Variants in CRAMP1 observed in about 807,000 individuals in gnomAD.
The protein encoded by CRAMP1 is cramped chromatin regulator 1.
In CRAMP1, 50 loss-of-function variants were observed where a neutral mutation model predicts 115.4. The observed-to-expected ratio is 0.43, with a 90% CI of 0.35 to 0.55. The LOEUF (loss-of-function observed/expected upper bound fraction) is 0.55. Among genes scored for constraint, CRAMP1 ranks in the 20% least tolerant of loss-of-function variants. CRAMP1 has a pLI of 0.01. For synonymous variants in CRAMP1, 866 were observed against 745.4 expected, an observed-to-expected ratio of 1.16 and a Z score of -2.64; for missense variants, 1,679 against 1,721.7, an observed-to-expected ratio of 0.98 and a Z score of 0.44.
chr16:1,654,772 A>G (rs985748572), intron 8 of CRAMP1, among the ~76,000 whole-genome samples: 1 of 152,356 alleles, frequency 6.6e-6, no homozygotes, highest in Non-Finnish European at 1.5e-5. Flanking sequence ...CGGGCCTGGC[A>G]TCTTTCACTG....
intron 3 of CRAMP1, among the ~76,000 whole-genome samples, chr16:1,631,500 G>T (rs925245672): frequency 2.6e-5 from 4 of 152,238 alleles, no homozygotes; most frequent in Admixed American, 6.5e-5. Flanking sequence ...TAGAAACCAA[G>T]ACCTGGGCGC....
At chr16:1,615,534 G>A (rs1179948504) in intron 2 of CRAMP1, among the ~76,000 whole-genome samples, 1 of 152,206 alleles carries the variant, frequency 6.6e-6, no homozygotes, top group Admixed American at 6.5e-5. Flanking sequence ...AGTTGCAACT[G>A]GGGTTTACTT....
chr16:1,614,962 G>A lies in CRAMP1; in HGVS notation c.323G>A (p.Gly108Asp). 1 of 1,258,452 alleles carries A rather than the reference G, an allele frequency of 7.9e-7. No individual in the cohort carries two copies. The highest frequency in any genetic ancestry group is 3.1e-5 in the East Asian group (1 of 32,086). The allele number at this position is 1,258,452 out of a possible 1,614,324, so 78.0% of individuals were successfully genotyped here. ...PPSAVGSGNA[G>D]GSGPRGKGAE... is the part of the protein sequence containing the mutation. The stretch of plus-strand genomic sequence containing the variant: ...AGCGCTGTGGGGAGCGGCAACGCCG[G>A]TGGCTCGGGGCCCCGCGGAAAAGGT... The change falls in exon 2 of 21, where the codon GGT becomes GAT. Residue 108 changes from glycine (G) to aspartate (D), a missense_variant. Gly to Asp is a moderately conservative substitution (Grantham distance 94). Around this residue, in one of 8 missense-constraint regions of CRAMP1, gnomAD observed 264 missense variants for 229.7 expected, o/e 1.15. Coordinates refer to ENST00000397412, the MANE Select transcript of CRAMP1 (RefSeq NM_020825.4). The surrounding 1 kb of genome is among the most constrained non-coding windows in gnomAD (Gnocchi z 4.4).
At chr16:1,638,525 A>G (rs2036606740) in intron 5 of CRAMP1, among the ~76,000 whole-genome samples, 1 of 152,118 alleles carries the variant, frequency 6.6e-6, no homozygotes, top group Admixed American at 6.5e-5. Flanking sequence ...TCGGGACCAG[A>G]TTCCCTTGAG....
chr16:1,641,411 C>T (rs2036631041), intron 6 of CRAMP1, among the ~76,000 whole-genome samples: 1 of 152,222 alleles, frequency 6.6e-6, no homozygotes, highest in Admixed American at 6.5e-5. Context: ...CGTCTTTGGC[C>T]TCCTCCTTCC....
intron 10 of CRAMP1, among the ~76,000 whole-genome samples, chr16:1,658,859 G>T (rs2142201000): frequency 6.6e-6 from 1 of 152,308 alleles, no homozygotes; most frequent in South Asian, 2.1e-4. Context: ...AGTCCATAGG[G>T]AGGTTGCCCC....
intron 3 of CRAMP1, among the ~76,000 whole-genome samples, chr16:1,629,062 G>A (rs922315961): frequency 2.6e-5 from 4 of 152,194 alleles, no homozygotes; most frequent in Admixed American, 2.6e-4. Flanking sequence ...GGTCTGCACA[G>A]ACCCAGCCCT....
intron 8 of CRAMP1, 59 bp downstream of exon 8, chr16:1,653,215 CGT>C: frequency 1.3e-6 from 2 of 1,563,592 alleles, no homozygotes; most frequent in Non-Finnish European, 1.7e-6. Context: ...CTGGAAGCAA[CGT>C]GTGTGAGTTT....
At position 1,668,103 on chromosome 16, in the gene CRAMP1, G is replaced by A; in HGVS notation, c.3244G>A (p.Gly1082Ser). 1.9e-6 allele frequency: 3 copies of A among 1,613,518 alleles called. No individual in the cohort carries two copies. The highest frequency in any genetic ancestry group is 1.1e-5 in the South Asian group (1 of 91,074). ...TGCTCTGCTCGACATCTCCCTGCCC[G>A]GCCCACCTGAGGATGCGCTGTCACA... ...VSALLDISLP[G>S]PPEDALSQGE... is the part of the protein sequence containing the mutation. The change falls in exon 18 of 21, where the codon GGC (glycine) becomes AGC (serine). Residue 1082 changes from glycine to serine, a missense_variant. Around this residue, in one of 8 missense-constraint regions of CRAMP1, gnomAD observed 709 missense variants for 741.9 expected, o/e 0.96. Coordinates refer to ENST00000397412, the MANE Select transcript of CRAMP1 (RefSeq NM_020825.4).
chr16:1,646,999 G>A (rs1345831623), intron 6 of CRAMP1: 1 of 702,468 alleles, frequency 1.4e-6, no homozygotes, highest in Non-Finnish European at 2.6e-6. Flanking sequence ...CAACTTTTGT[G>A]ACCGTTCTTT....
Position 1,659,398 on chromosome 16 carries a change from C to CT in CRAMP1, c.2236-478dup, listed in dbSNP as rs552037975. Among the ~76,000 whole-genome samples the CT allele has an allele frequency of 7.1e-3, 1,046 of 148,328 alleles. 2 individuals are homozygous for CT. Among genetic ancestry groups the CT allele is most frequent in the Non-Finnish European group, 0.012 (816 of 66,766 alleles). ...GATTGATTGATTGATTGATTTTTTT[C>CT]TTTTTTTTTTGAGACGGAATCTTGC... is the stretch of plus-strand genomic sequence containing the variant. On this transcript the variant is annotated intron_variant, in intron 10 of 20. Transcript: ENST00000397412.
At position 1,666,203 on chromosome 16, in the gene CRAMP1, G is replaced by C; in HGVS notation, c.2857+26G>C. On this transcript the variant is annotated intron_variant, in intron 15 of 20. Transcript: ENST00000397412. This position sits in a 1 kb window ranked among gnomAD's most constrained non-coding sequence, Gnocchi z 5.0. Reference sequence around the variant, plus strand: ...GTAAGTCTGTACCTGCATGGCCACAGCCACTGAGTGAGCCTCTGAGGGATG... The same window carrying C: ...GTAAGTCTGTACCTGCATGGCCACACCCACTGAGTGAGCCTCTGAGGGATG... 1 of 1,485,522 alleles carries C rather than the reference G, an allele frequency of 6.7e-7. No homozygotes were observed. Among genetic ancestry groups the C allele is most frequent in the Non-Finnish European group, 9.3e-7 (1 of 1,073,476 alleles). 92.0% of individuals were successfully genotyped at this position (1,485,522 alleles called of 1,614,324 possible).
chr16:1,641,326 A>C (rs2036630242), intron 6 of CRAMP1, 139 bp downstream of exon 6: 1 of 675,292 alleles, frequency 1.5e-6, no homozygotes, highest in Non-Finnish European at 2.6e-6. Flanking sequence ...GTTCAGTCCC[A>C]ACAAAAGGTG....
At chr16:1,616,240 A>G (rs900152417) in intron 2 of CRAMP1, among the ~76,000 whole-genome samples, 2 of 152,218 alleles carry the variant, frequency 1.3e-5, no homozygotes, top group African/African-American at 4.8e-5. Flanking sequence ...TGCTAGTTAC[A>G]GGTATGTCTA....
Position 1,660,234 on chromosome 16 carries a change from G to A in CRAMP1, c.2413+171G>A, listed in dbSNP as rs138079195. Among the ~76,000 whole-genome samples, 226 of 152,332 alleles carry A rather than the reference G, an allele frequency of 1.5e-3. 1 individual carries two copies. The highest frequency in any genetic ancestry group is 5.0e-3 in the African/African-American group (207 of 41,582). ...AGGTGCAGAATCACTGCCTCCTCATGGGGAGGGTGATGCCAGGGCTTGTCG... is the reference window on the plus strand; with the variant it reads ...AGGTGCAGAATCACTGCCTCCTCATAGGGAGGGTGATGCCAGGGCTTGTCG... On this transcript the variant is annotated intron_variant, in intron 11 of 20. Transcript: ENST00000397412.
At chr16:1,632,905 G>A (rs186259175) in intron 4 of CRAMP1, among the ~76,000 whole-genome samples, 99 of 152,334 alleles carry the variant, frequency 6.5e-4, no homozygotes, top group Admixed American at 2.4e-3. Context: ...TGGCTTCTCC[G>A]GATGATGCTT....
intron 8 of CRAMP1, among the ~76,000 whole-genome samples, chr16:1,653,653 C>T (rs1472429348): frequency 4.0e-5 from 6 of 150,400 alleles, no homozygotes; most frequent in African/African-American, 1.5e-4. Context: ...CGCCGTGAAA[C>T]CCCATCTCTA....
intron 20 of CRAMP1, 141 bp from the exon 21 acceptor site, chr16:1,673,740 C>T: frequency 1.4e-6 from 1 of 721,530 alleles, no homozygotes; most frequent in Non-Finnish European, 2.4e-6. Context: ...TGATTCTGCA[C>T]AGAGCCCTGG....
rs772422146 is a variant in CRAMP1, at chr16:1,637,915, C to T, written c.778+8C>T. 6.6e-5 allele frequency: 99 copies of T among 1,494,616 alleles called. 2 individuals carry two copies. The South Asian group carries it at 8.0e-4, about 12-fold the overall frequency. 92.6% of individuals were successfully genotyped at this position (1,494,616 alleles called of 1,614,324 possible). On this transcript the variant is annotated splice_region_variant and intron_variant, in intron 5 of 20. Coordinates refer to ENST00000397412, the MANE Select transcript of CRAMP1 (RefSeq NM_020825.4). ...GCAAGAAGATTGGGGGCTGTGAGTA[C>T]GCTGACTGTGGGGTTGCCCACGGCT...
Sources: allele counts gnomAD v4.1 joint callset (sites outside exome capture counted in the v4.1 genomes callset), GRCh38; gene constraint gnomAD v4.1.1; regional missense constraint gnomAD v4.1.1; non-coding constraint Gnocchi (gnomAD v3.1); transcripts MANE v1.5; gene names NCBI Gene and HGNC (gene_info 2026-07-23, HGNC 2026-07-21).